Variants in SAMMSON observed in about 807,000 individuals in gnomAD.
SAMMSON encodes survival associated mitochondrial melanoma specific oncogenic non-coding RNA.
chr3:70,150,835 A>G (rs547163653), intron 4 of SAMMSON, among the ~76,000 whole-genome samples: 2 of 152,052 alleles, frequency 1.3e-5, no homozygotes, highest in African/African-American at 4.8e-5. Context: ...TGGAGGGAAA[A>G]CAATTGGCTA....
intron 7 of SAMMSON, among the ~76,000 whole-genome samples, chr3:70,335,454 C>T (rs1013046233): frequency 2.2e-4 from 33 of 151,912 alleles, no homozygotes; most frequent in African/African-American, 8.0e-4. Flanking sequence ...AAAATTTTAT[C>T]TAAGTTTTTT....
chr3:70,047,954 C>T (rs919478659), intron 3 of SAMMSON, among the ~76,000 whole-genome samples: 6 of 151,966 alleles, frequency 3.9e-5, no homozygotes, highest in African/African-American at 1.5e-4. Flanking sequence ...CATTGGGCAC[C>T]ACCTCCCCAC....
At chr3:70,384,000 T>C (rs2106753459) in intron 9 of SAMMSON, among the ~76,000 whole-genome samples, 1 of 152,050 alleles carries the variant, frequency 6.6e-6, no homozygotes, top group South Asian at 2.1e-4. Flanking sequence ...TGGATGTCCT[T>C]GGTGGGGAGT....
At chr3:70,166,908 A>G (rs2067639650) in intron 4 of SAMMSON, among the ~76,000 whole-genome samples, 2 of 151,974 alleles carry the variant, frequency 1.3e-5, no homozygotes, top group African/African-American at 4.8e-5. Flanking sequence ...ATTATATTTT[A>G]TAGGCATTAT....
chr3:70,378,581 T>C (rs1559576455), intron 9 of SAMMSON, among the ~76,000 whole-genome samples: 1 of 152,284 alleles, frequency 6.6e-6, no homozygotes, highest in East Asian at 1.9e-4. Flanking sequence ...ATATATAAAC[T>C]ATAGAATTCT....
At chr3:70,132,263 C>T (rs2067485679) in intron 4 of SAMMSON, among the ~76,000 whole-genome samples, 1 of 152,184 alleles carries the variant, frequency 6.6e-6, no homozygotes, top group South Asian at 2.1e-4. Flanking sequence ...AGACCGTTGA[C>T]CATGGGATGG....
chr3:70,285,288 A>G (rs1269538668), intron 6 of SAMMSON, among the ~76,000 whole-genome samples: 1 of 141,278 alleles, frequency 7.1e-6, no homozygotes, highest in African/African-American at 2.6e-5. Context: ...ATTCCCACCT[A>G]TGAGTGAGAA....
At chr3:70,261,632 T>A (rs1183630045) in intron 6 of SAMMSON, among the ~76,000 whole-genome samples, 1 of 152,166 alleles carries the variant, frequency 6.6e-6, no homozygotes, top group Non-Finnish European at 1.5e-5. Context: ...CTTTCAACAA[T>A]TTCTACCATA....
At chr3:70,187,658 G>A (rs1399078537) in intron 4 of SAMMSON, among the ~76,000 whole-genome samples, 1 of 151,482 alleles carries the variant, frequency 6.6e-6, no homozygotes, top group Non-Finnish European at 1.5e-5. Context: ...GGATGGTCTC[G>A]ATCTCCTGAC....
At chr3:70,316,921 C>G (rs1443894315) in intron 7 of SAMMSON, among the ~76,000 whole-genome samples, 1 of 152,014 alleles carries the variant, frequency 6.6e-6, no homozygotes, top group Non-Finnish European at 1.5e-5. Context: ...CCTGCTTTTT[C>G]TAACTGAGAC....
At chr3:70,391,223 G>T (rs1441417971), downstream of SAMMSON, among the ~76,000 whole-genome samples, 2 of 152,114 alleles carry the variant, frequency 1.3e-5, no homozygotes, top group African/African-American at 4.8e-5. Flanking sequence ...AATCTCTGTT[G>T]CTCTTATGAC....
At chr3:70,087,554 C>T (rs2067290363) in intron 4 of SAMMSON, among the ~76,000 whole-genome samples, 1 of 152,112 alleles carries the variant, frequency 6.6e-6, no homozygotes, top group South Asian at 2.1e-4. Context: ...CTCTGAGATC[C>T]AAGTGGTATA....
chr3:70,017,794 G>A (rs1326147833), intron 3 of SAMMSON, among the ~76,000 whole-genome samples: 3 of 152,128 alleles, frequency 2.0e-5, no homozygotes, highest in African/African-American at 4.8e-5. Context: ...TTAGCATGAA[G>A]CGTTGTTGAA....
At position 70,148,546 on chromosome 3, in the gene SAMMSON, G is replaced by A. The variant is rs541090645; in HGVS notation, n.507+76981G>A. Among the ~76,000 whole-genome samples the A allele has an allele frequency of 1.3e-3, 204 of 152,072 alleles. 1 individual carries two copies. The highest frequency in any genetic ancestry group is 7.2e-4 in the Non-Finnish European group (49 of 67,984). ...CACCATTCTGCAGACTGTGCAAGAA[G>A]CATGGTGCCAGCATCTTGTGAAGGC... On this transcript the variant is annotated intron_variant and non_coding_transcript_variant, in intron 4 of 9. Coordinates refer to ENST00000642114, the Ensembl canonical transcript of SAMMSON.
chr3:70,424,011 G>A (rs994683613), intron 2 of SAMMSON, among the ~76,000 whole-genome samples: 5 of 152,170 alleles, frequency 3.3e-5, no homozygotes, highest in African/African-American at 1.2e-4. Context: ...AGTGATAGAA[G>A]TTAAGTAGCA....
At chr3:70,281,623 G>A (rs1003219208) in intron 6 of SAMMSON, among the ~76,000 whole-genome samples, 2 of 152,006 alleles carry the variant, frequency 1.3e-5, no homozygotes, top group African/African-American at 2.4e-5. Context: ...GAATCTAAAC[G>A]TCTGATATTT....
At chr3:70,072,646 G>GAAAAAAAAAA (rs35807309) in intron 4 of SAMMSON, 4 of 87,676 alleles carry the variant, frequency 4.6e-5, no homozygotes, top group Non-Finnish European at 6.8e-5. Context: ...AACAGCAAAG[G>GAAAAAAAAAA]AAAAAAAAAA....
intron 2 of SAMMSON, among the ~76,000 whole-genome samples, chr3:70,412,884 G>C (rs1701230888): frequency 6.6e-6 from 1 of 152,066 alleles, no homozygotes; most frequent in Non-Finnish European, 1.5e-5. Flanking sequence ...CTAATTCTCA[G>C]CTTGACCAAC....
At chr3:70,036,116 T>C (rs1203925504) in intron 3 of SAMMSON, among the ~76,000 whole-genome samples, 2 of 152,146 alleles carry the variant, frequency 1.3e-5, no homozygotes, top group African/African-American at 4.8e-5. Flanking sequence ...AGCTTGTAAA[T>C]AAGCCAAATA....
Sources: gnomAD v4.1 joint callset for allele counts (sites outside exome capture counted in the v4.1 genomes callset) on GRCh38, gnomAD v4.1.1 for gene constraint, MANE v1.5 for transcripts, NCBI Gene and HGNC (gene_info 2026-07-23, HGNC 2026-07-21) for gene names.